Variants in VPS13B observed in about 807,000 individuals in gnomAD.
VPS13B encodes vacuolar protein sorting 13 homolog B.
In VPS13B, 285 loss-of-function variants were observed where a neutral mutation model predicts 426.4. The ratio of observed to expected loss-of-function variants is 0.67; its 90% CI spans 0.61 to 0.74. VPS13B has a LOEUF of 0.74. Ranked by LOEUF, VPS13B falls within the 30% of genes least tolerant of loss-of-function variation. The probability of loss-of-function intolerance (pLI) is 0.00; values close to 1 mark genes in which losing one functional copy is unlikely to be tolerated. For missense variants in VPS13B, 4,537 were observed against 4,782.6 expected (o/e 0.95, Z 1.51); for synonymous variants, 1,676 against 1,676.4 (o/e 1.00, Z 0.01).
chr8:99,467,485 C>T lies in VPS13B; in HGVS notation c.3517C>T (p.Leu1173Phe), dbSNP rs1563746331. Residue 1173 changes from leucine (L) to phenylalanine (F), a missense_variant, in exon 24 of 62, where the codon CTT (leucine) becomes TTT (phenylalanine). Around this residue, in one of 2 missense-constraint regions of VPS13B, gnomAD observed 4,311 missense variants for 4,474.3 expected, o/e 0.96. Transcript: ENST00000357162. ...TACCCTTCTTGGAAAACAAGTGACA[C>T]TTTGCCTAGTGGAACCTATGGGTTG... ...IYTLLGKQVTLCLVEPMGCTS... is the reference protein window; with the variant it reads ...IYTLLGKQVTFCLVEPMGCTS... The T allele has an allele frequency of 6.2e-7, 1 of 1,613,796 alleles. No individual in the cohort carries two copies. The highest frequency in any genetic ancestry group is 1.7e-5 in the Admixed American group (1 of 59,986).
intron 39 of VPS13B, among the ~76,000 whole-genome samples, chr8:99,748,890 C>T (rs751216271): frequency 1.3e-5 from 2 of 152,014 alleles, no homozygotes; most frequent in African/African-American, 2.4e-5. Flanking sequence ...ATTTCTGGCA[C>T]ACAGAACTTG....
intron 3 of VPS13B, among the ~76,000 whole-genome samples, chr8:99,091,162 G>T (rs758546865): frequency 6.6e-6 from 1 of 152,192 alleles, no homozygotes; most frequent in African/African-American, 2.4e-5. Context: ...GCAGAGGAGA[G>T]ATGGCTAATG....
intron 15 of VPS13B, among the ~76,000 whole-genome samples, chr8:99,161,732 CTTTTT>C (rs374438896): frequency 2.3e-5 from 3 of 131,066 alleles, no homozygotes; most frequent in Non-Finnish European, 1.6e-5. Flanking sequence ...GTACTAAATC[CTTTTT>C]TTTTTTTTTT....
chr8:99,453,893 T>C (rs1238413942), intron 23 of VPS13B, among the ~76,000 whole-genome samples: 2 of 152,166 alleles, frequency 1.3e-5, no homozygotes, highest in East Asian at 3.9e-4. Flanking sequence ...ATCTGCAGTT[T>C]ACTAGAGGAC....
At chr8:99,678,645 T>G (rs1831038983) in intron 35 of VPS13B, among the ~76,000 whole-genome samples, 1 of 152,054 alleles carries the variant, frequency 6.6e-6, no homozygotes, top group Non-Finnish European at 1.5e-5. Context: ...TGTCCAAAGG[T>G]CTCTCTTTTT....
In VPS13B at chr8:99,687,196, T is replaced by C. The variant is rs372611410; in HGVS notation, c.6047-12329T>C. Among the ~76,000 whole-genome samples the C allele has an allele frequency of 1.8e-4, 28 of 152,154 alleles. No homozygotes were observed. The East Asian group carries it at 4.4e-3, about 24-fold the overall frequency. ...AGAATGGAGGCCTCAGGACTCTGCCTGGTGCCTTATCCTGCTGTGGCTGAG... is the reference window on the plus strand; with the variant it reads ...AGAATGGAGGCCTCAGGACTCTGCCCGGTGCCTTATCCTGCTGTGGCTGAG... On this transcript the variant is annotated intron_variant, in intron 35 of 61. Coordinates refer to ENST00000357162, the MANE Select transcript of VPS13B (RefSeq NM_152564.5).
At position 99,707,056 on chromosome 8, in the gene VPS13B, A is replaced by G. The variant is rs149941068; in HGVS notation, c.6454+7124A>G. 6.3e-3 allele frequency among the ~76,000 whole-genome samples: 964 copies of G among 152,282 alleles called. 8 individuals are homozygous for G. Among genetic ancestry groups the G allele is most frequent in the African/African-American group, 0.022 (904 of 41,564 alleles). Reference sequence around the variant, plus strand: ...GGTTGGTCCCCTGGACTTGTTGGCTATGTTGGCATAACATACTGGGGCTGA... The same window carrying G: ...GGTTGGTCCCCTGGACTTGTTGGCTGTGTTGGCATAACATACTGGGGCTGA... On this transcript the variant is annotated intron_variant, in intron 36 of 61. Coordinates refer to ENST00000357162, the MANE Select transcript of VPS13B (RefSeq NM_152564.5).
At chr8:99,406,974 A>G (rs929511906) in intron 21 of VPS13B, among the ~76,000 whole-genome samples, 5 of 152,350 alleles carry the variant, frequency 3.3e-5, no homozygotes, top group African/African-American at 1.2e-4. Context: ...AAGAGTCTTT[A>G]GTGGAAACAG....
At chr8:99,357,239 C>T (rs567903101) in intron 19 of VPS13B, among the ~76,000 whole-genome samples, 20 of 152,174 alleles carry the variant, frequency 1.3e-4, no homozygotes, top group Non-Finnish European at 2.5e-4. Context: ...TTCAGTTCAT[C>T]TCCTTTTTCA....
chr8:99,739,674 C>T (rs1282640232), intron 39 of VPS13B, among the ~76,000 whole-genome samples: 3 of 152,160 alleles, frequency 2.0e-5, no homozygotes, highest in African/African-American at 4.8e-5. Flanking sequence ...CAATATCCAC[C>T]GTTCTGCAGC....
chr8:99,630,692 C>A (rs34112958), intron 33 of VPS13B, among the ~76,000 whole-genome samples: 20,707 of 151,282 alleles, frequency 0.14, 1,926 homozygotes, highest in East Asian at 0.38. Flanking sequence ...GAAAAAAAAC[C>A]CTCTCAAATT....
chr8:99,111,186 T>C lies in VPS13B; in HGVS notation c.669T>C (p.Phe223=). 1 of 1,600,800 alleles carries C rather than the reference T, an allele frequency of 6.2e-7. No individual in the cohort carries two copies. Among genetic ancestry groups the C allele is most frequent in the Non-Finnish European group, 8.5e-7 (1 of 1,173,506 alleles). ...GGAATGCCAGTGGTAAAATAGAATTTTACCAGGATCCTTTATTATACAAAT... is the reference window on the plus strand; with the variant it reads ...GGAATGCCAGTGGTAAAATAGAATTCTACCAGGATCCTTTATTATACAAAT... ...DKRNASGKIE[F]YQDPLLYKCS... The change falls in exon 6 of 62, where the codon TTT becomes TTC. Residue 223 remains phenylalanine (F), a synonymous_variant. Transcript: ENST00000357162.
chr8:99,235,985 C>T (rs181702372), intron 17 of VPS13B, among the ~76,000 whole-genome samples: 9 of 151,950 alleles, frequency 5.9e-5, no homozygotes, highest in Admixed American at 3.9e-4. Flanking sequence ...AAAACAGCTG[C>T]GTAGTATCCG....
rs1322613165 is a variant in VPS13B at position 99,871,596 on chromosome 8, C to G, written c.11644C>G (p.Gln3882Glu). The change falls in exon 61 of 62, where the codon CAG (glutamine) becomes GAG (glutamate). Residue 3882 changes from glutamine (Q) to glutamate (E), a missense_variant. Gln to Glu is a conservative substitution (Grantham distance 29). Coordinates refer to ENST00000357162, the MANE Select transcript of VPS13B (RefSeq NM_152564.5). ...VVSVSEDTQQ[Q>E]AFPVTEIDCA... The stretch of plus-strand genomic sequence containing the variant: ...GAGTGTCAGTGAGGACACACAGCAG[C>G]AGGCCTTCCCCGTCACAGAAATCGA... 1.2e-6 allele frequency: 2 copies of G among 1,614,082 alleles called. No homozygotes were observed. The highest frequency in any genetic ancestry group is 1.7e-6 in the Non-Finnish European group (2 of 1,180,050).
intron 19 of VPS13B, among the ~76,000 whole-genome samples, chr8:99,314,388 A>G (rs1471712647): frequency 6.6e-6 from 1 of 152,044 alleles, no homozygotes; most frequent in Non-Finnish European, 1.5e-5. Context: ...AAGAATGTAT[A>G]TTCTGTAGCT....
chr8:99,372,582 A>G (rs1441159913), intron 19 of VPS13B, among the ~76,000 whole-genome samples: 1 of 152,258 alleles, frequency 6.6e-6, no homozygotes, highest in Admixed American at 6.5e-5. Context: ...ATCATTGGCC[A>G]TTAGAGAAAT....
At chr8:99,376,684 A>G (rs1463272104) in intron 19 of VPS13B, among the ~76,000 whole-genome samples, 1 of 152,130 alleles carries the variant, frequency 6.6e-6, no homozygotes, top group Non-Finnish European at 1.5e-5. Context: ...TTTTAGACAT[A>G]TCTGAAAAGA....
At chr8:99,719,584 G>A (rs754808359) in intron 37 of VPS13B, among the ~76,000 whole-genome samples, 2 of 151,990 alleles carry the variant, frequency 1.3e-5, no homozygotes, top group Non-Finnish European at 2.9e-5. Context: ...ATTGATAGTT[G>A]TATTGCCTTT....
intron 43 of VPS13B, 137 bp downstream of exon 43, chr8:99,784,613 C>A: frequency 8.4e-7 from 1 of 1,192,982 alleles, no homozygotes; most frequent in Non-Finnish European, 1.2e-6. Context: ...CTGACGGAAA[C>A]CCAAGAGTGT....
Sources: gnomAD v4.1 joint callset for allele counts (sites outside exome capture counted in the v4.1 genomes callset) on GRCh38, gnomAD v4.1.1 for gene constraint, gnomAD v4.1.1 regional missense constraint, MANE v1.5 for transcripts, NCBI Gene and HGNC (gene_info 2026-07-23, HGNC 2026-07-21) for gene names.